Variants in SH3RF3 observed in about 807,000 individuals in gnomAD.
The protein encoded by SH3RF3 is E3 ubiquitin-protein ligase SH3RF3.
Under a neutral mutation model 66.3 loss-of-function variants are expected in SH3RF3, and 29 were observed. The ratio of observed to expected loss-of-function variants is 0.44; its 90% confidence interval spans 0.33 to 0.60. The LOEUF (loss-of-function observed/expected upper bound fraction) is 0.60. Ranked by LOEUF, SH3RF3 falls within the 20% of genes least tolerant of loss-of-function variation. The pLI, the probability that SH3RF3 is intolerant of heterozygous loss-of-function variation, is 0.04. For missense variants in SH3RF3, 1,194 were observed against 1,190.9 expected (o/e 1.00, Z -0.04); for synonymous variants, 583 against 532.0 (o/e 1.10, Z -1.32).
chr2:109,132,663 T>A (rs1381898457), intron 1 of SH3RF3, among the ~76,000 whole-genome samples: 1 of 152,256 alleles, frequency 6.6e-6, no homozygotes, highest in Non-Finnish European at 1.5e-5. Context: ...TGTTCATATG[T>A]GTTACTTCTT....
chr2:109,375,393 G>A (rs930503920), intron 3 of SH3RF3, among the ~76,000 whole-genome samples: 1 of 152,192 alleles, frequency 6.6e-6, no homozygotes, highest in Non-Finnish European at 1.5e-5. Context: ...GCTGGACAGC[G>A]CCCCTTGCCA....
At position 109,384,456 on chromosome 2, in the gene SH3RF3, G is replaced by A. The variant is rs536640367; in HGVS notation, c.945+12775G>A. On this transcript the variant is annotated intron_variant, in intron 3 of 9. Coordinates refer to ENST00000309415, the MANE Select transcript of SH3RF3 (RefSeq NM_001099289.3). ...GGTCCAGGGGTGGCCTGAGCTGGCC[G>A]AGGGACTCTAAGCCAGGGTGACCAA... 1.3e-4 allele frequency among the ~76,000 whole-genome samples: 20 copies of A among 152,110 alleles called. No homozygotes were observed. In the South Asian group the frequency reaches 4.2e-3, roughly 32 times the overall value.
At chr2:109,495,477 C>CTTTTTTTTTTTTTTTTTTTTTTTTT (rs569509984) in intron 9 of SH3RF3, among the ~76,000 whole-genome samples, 1 of 94,240 alleles carries the variant, frequency 1.1e-5, no homozygotes, top group Non-Finnish European at 2.0e-5. Context: ...TCTTTCATTC[C>CTTTTTTTTTTTTTTTTTTTTTTTTT]TTTTTTTTTT....
At chr2:109,200,941 G>T (rs1200471217) in intron 1 of SH3RF3, among the ~76,000 whole-genome samples, 1 of 152,142 alleles carries the variant, frequency 6.6e-6, no homozygotes, top group Non-Finnish European at 1.5e-5. Flanking sequence ...TGCAGACCTC[G>T]CAGTGGCCCG....
At chr2:109,131,553 T>G (rs1676696437) in intron 1 of SH3RF3, among the ~76,000 whole-genome samples, 1 of 152,228 alleles carries the variant, frequency 6.6e-6, no homozygotes, top group Non-Finnish European at 1.5e-5. Context: ...GATGACCATC[T>G]GTTTACAGAT....
intron 1 of SH3RF3, among the ~76,000 whole-genome samples, chr2:109,143,753 G>GAAACA (rs202176477): frequency 0.23 from 30,281 of 132,208 alleles, 3,802 homozygotes; most frequent in Middle Eastern, 0.4. Flanking sequence ...CACCCTGTCT[G>GAAACA]AAACAAAACA....
At chr2:109,184,395 C>T (rs776365967) in intron 1 of SH3RF3, among the ~76,000 whole-genome samples, 2 of 152,222 alleles carry the variant, frequency 1.3e-5, no homozygotes, top group African/African-American at 2.4e-5. Flanking sequence ...GGCAGCTTTT[C>T]AGGTGATGAA....
chr2:109,459,277 CT>C (rs369055700), intron 8 of SH3RF3, among the ~76,000 whole-genome samples: 224 of 152,184 alleles, frequency 1.5e-3, no homozygotes, highest in African/African-American at 5.2e-3. Flanking sequence ...GGAGGAAATA[CT>C]TACAACAGTT....
chr2:109,371,446 C>T (rs1683268945), intron 2 of SH3RF3, 140 bp from the exon 3 acceptor site: 1 of 619,490 alleles, frequency 1.6e-6, no homozygotes, highest in East Asian at 2.8e-5. Flanking sequence ...ATGTCAGATA[C>T]CTGAATGGAT....
At chr2:109,471,380 A>G (rs1678503930) in intron 8 of SH3RF3, among the ~76,000 whole-genome samples, 1 of 152,188 alleles carries the variant, frequency 6.6e-6, no homozygotes, top group South Asian at 2.1e-4. Context: ...AGGAGAGAGA[A>G]GAGAAAGTGA....
chr2:109,364,968 G>A (rs760575088), intron 2 of SH3RF3, among the ~76,000 whole-genome samples: 7 of 152,154 alleles, frequency 4.6e-5, no homozygotes, highest in Non-Finnish European at 8.8e-5. Flanking sequence ...GCACACGCTT[G>A]TAATCCCAGC....
Position 109,259,378 on chromosome 2 carries a change from C to T in SH3RF3, c.574-88296C>T, listed in dbSNP as rs947961984. Among the ~76,000 whole-genome samples the T allele has an allele frequency of 2.6e-5, 4 of 152,178 alleles. No homozygotes were observed. The South Asian group carries it at 8.3e-4, about 32-fold the overall frequency. ...TCCAGAGCCGGAGGCATCCTACATA[C>T]CTGCATGCAAGGGGAGGCTGGGCCT... is the stretch of plus-strand genomic sequence containing the variant. On this transcript the variant is annotated intron_variant, in intron 1 of 9. Transcript: ENST00000309415.
At chr2:109,213,768 CGTGGTCTCACT>C (rs1480238170) in intron 1 of SH3RF3, among the ~76,000 whole-genome samples, 1 of 152,134 alleles carries the variant, frequency 6.6e-6, no homozygotes, top group African/African-American at 2.4e-5. Context: ...AGGAACGTGA[CGTGGTCTCACT>C]GTGGTGTGGT....
chr2:109,339,774 G>A (rs558008040), intron 1 of SH3RF3, among the ~76,000 whole-genome samples: 1 of 152,356 alleles, frequency 6.6e-6, no homozygotes, highest in African/African-American at 2.4e-5. Flanking sequence ...TTCCCAGAAA[G>A]TGAGGAAGTG....
intron 8 of SH3RF3, among the ~76,000 whole-genome samples, chr2:109,486,300 A>G (rs1678976239): frequency 6.6e-6 from 1 of 152,036 alleles, no homozygotes; most frequent in South Asian, 2.1e-4. Flanking sequence ...TGGGGCCCAC[A>G]TTTTACATTT....
At chr2:109,436,466 C>A (rs1414616468) in intron 6 of SH3RF3, among the ~76,000 whole-genome samples, 1 of 152,180 alleles carries the variant, frequency 6.6e-6, no homozygotes, top group Non-Finnish European at 1.5e-5. Flanking sequence ...TGCGAGGTGG[C>A]AGTCGTGCCC....
chr2:109,396,507 G>A (rs1676148502), intron 3 of SH3RF3, among the ~76,000 whole-genome samples: 1 of 152,226 alleles, frequency 6.6e-6, no homozygotes, highest in Non-Finnish European at 1.5e-5. Context: ...GAGCAGCCCT[G>A]TGATGGGGCC....
chr2:109,205,372 A>G lies in SH3RF3; in HGVS notation c.573+75259A>G, dbSNP rs1196791056. 6.6e-5 allele frequency among the ~76,000 whole-genome samples: 10 copies of G among 151,546 alleles called. No homozygotes were observed. The South Asian group carries it at 1.9e-3, about 28-fold the overall frequency. On this transcript the variant is annotated intron_variant, in intron 1 of 9. Transcript: ENST00000309415. ...TGCCGCAGCCTTCTGAGTAGCTGGGACTACAGGCATGCATCACCATGCCTA... is the reference window on the plus strand; with the variant it reads ...TGCCGCAGCCTTCTGAGTAGCTGGGGCTACAGGCATGCATCACCATGCCTA...
intron 1 of SH3RF3, among the ~76,000 whole-genome samples, chr2:109,241,686 G>T (rs1334543622): frequency 6.6e-6 from 1 of 151,924 alleles, no homozygotes; most frequent in Admixed American, 6.6e-5. Context: ...CTCTCCCCCA[G>T]TCCCTGCAGT....
Sources: allele counts gnomAD v4.1 joint callset (sites outside exome capture counted in the v4.1 genomes callset), GRCh38; gene constraint gnomAD v4.1.1; transcripts MANE v1.5; gene names NCBI Gene and HGNC (gene_info 2026-07-23, HGNC 2026-07-21).